XAB2: variants seen among roughly 807,000 people sequenced by gnomAD.
XAB2 encodes XPA binding protein 2.
In XAB2, 57 loss-of-function variants were observed where a neutral mutation model predicts 113.4. The observed-to-expected ratio is 0.50, with a 90% CI of 0.41 to 0.63. The LOEUF (loss-of-function observed/expected upper bound fraction) is 0.63. Among genes scored for constraint, XAB2 ranks in the 20% least tolerant of loss-of-function variants. The pLI is 0.00. For synonymous variants in XAB2, 497 were observed against 498.8 expected, an observed-to-expected ratio of 1.00 and a Z score of 0.05; for missense variants, 1,037 against 1,233.3, an observed-to-expected ratio of 0.84 and a Z score of 2.38.
At position 7,620,077 on chromosome 19, in the gene XAB2, T is replaced by C; in HGVS notation, c.2267-2A>G. ...TCTGCCCAGGGGCCAGGTCAGACAC[T>C]AGGGGGTGGGAGCAGGGGGTCAGCG... On this transcript the variant is annotated splice_acceptor_variant, in intron 16 of 18. Coordinates refer to ENST00000358368, the MANE Select transcript of XAB2 (RefSeq NM_020196.3). LOFTEE classifies it high-confidence loss of function. The C allele has an allele frequency of 6.2e-7, 1 of 1,611,116 alleles. No homozygotes were observed. The highest frequency in any genetic ancestry group is 1.1e-5 in the South Asian group (1 of 91,064).
chr19:7,629,097 C>T (rs985126026), intron 1 of XAB2, among the ~76,000 whole-genome samples: 1 of 152,222 alleles, frequency 6.6e-6, no homozygotes, highest in African/African-American at 2.4e-5. Context: ...GAAAACCAAG[C>T]CTTCATCCCA....
At position 7,627,266 on chromosome 19, in the gene XAB2, G is replaced by A. The variant is rs1295064916; in HGVS notation, c.499C>T (p.Arg167Ter). 3.1e-6 allele frequency: 5 copies of A among 1,613,164 alleles called. No homozygotes were observed. Among genetic ancestry groups the A allele is most frequent in the East Asian group, 2.2e-5 (1 of 44,904 alleles). Reference sequence around the variant, plus strand: ...ACCTTGAGGAAGCGCCGATAGCCTCGCACAGCTGTCTCAGGCAGTGGGTGT... The same window carrying A: ...ACCTTGAGGAAGCGCCGATAGCCTCACACAGCTGTCTCAGGCAGTGGGTGT... ...RSHPLPETAV[R>*]GYRRFLKLSP... Residue 167 changes from arginine to a stop codon, truncating the protein, a stop_gained, in exon 4 of 19, where the codon CGA becomes TGA. Coordinates refer to ENST00000358368, the MANE Select transcript of XAB2 (RefSeq NM_020196.3). LOFTEE classifies it high-confidence loss of function. The surrounding 1 kb of genome is among the most constrained non-coding windows in gnomAD (Gnocchi z 4.5).
chr19:7,621,183 C>T lies in XAB2; in HGVS notation c.1732G>A (p.Asp578Asn), dbSNP rs2031025596. ...CCGTCCAGAGCCTGTTCAAACAGGT[C>T]CCGTGCCCGCTCCAGCTTGCGGCCC... ...YGGRKLERARDLFEQALDGCP... is the reference protein window; with the variant it reads ...YGGRKLERARNLFEQALDGCP... The change falls in exon 13 of 19, where the codon GAC (aspartate) becomes AAC (asparagine). Residue 578 changes from aspartate (D) to asparagine (N), a missense_variant. Asp to Asn is a conservative substitution (Grantham distance 23). Transcript: ENST00000358368. 6.2e-7 allele frequency: 1 copy of T among 1,610,592 alleles called. No homozygotes were observed. The highest frequency in any genetic ancestry group is 1.3e-5 in the African/African-American group (1 of 74,492).
At chr19:7,622,220 C>T (rs1057180983) in intron 12 of XAB2, 111 bp downstream of exon 12, 1 of 1,029,852 alleles carries the variant, frequency 9.7e-7, no homozygotes, top group South Asian at 1.4e-5. Flanking sequence ...GTTTAAGTCA[C>T]CCAGTCTGTA....
rs1046552342 is a variant in XAB2, at chr19:7,625,380, C to T, written c.822+500G>A. ...ACCCTGAACGCAAATGTGGCTGACT[C>T]CAAGGCTGACGTGCCTGCGGGCAGG... On this transcript the variant is annotated intron_variant, in intron 6 of 18. Coordinates refer to ENST00000358368, the MANE Select transcript of XAB2 (RefSeq NM_020196.3). This position sits in a 1 kb window ranked among gnomAD's most constrained non-coding sequence, Gnocchi z 5.2. 3.3e-5 allele frequency among the ~76,000 whole-genome samples: 5 copies of T among 152,154 alleles called. No homozygotes were observed. The highest frequency in any genetic ancestry group is 5.9e-5 in the Non-Finnish European group (4 of 68,026).
Position 7,622,405 on chromosome 19 carries a change from T to C in XAB2, c.1543A>G (p.Ile515Val), listed in dbSNP as rs542881981. 7.2e-5 allele frequency: 117 copies of C among 1,614,062 alleles called. 1 individual carries two copies. The highest frequency in any genetic ancestry group is 7.1e-4 in the South Asian group (65 of 91,092). ...AVYDRILDLR[I>V]ATPQIVINYA... Reference sequence around the variant, plus strand: ...TTGATGACGATCTGGGGTGTTGCGATACGCAGGTCCAGGATGCGGTCGTAC... The same window carrying C: ...TTGATGACGATCTGGGGTGTTGCGACACGCAGGTCCAGGATGCGGTCGTAC... Residue 515 changes from isoleucine to valine, a missense_variant, in exon 12 of 19, where the codon ATC becomes GTC. Transcript: ENST00000358368.
intron 12 of XAB2, chr19:7,621,745 G>A: frequency 5.3e-6 from 1 of 188,416 alleles, no homozygotes; most frequent in Non-Finnish European, 1.1e-5. Context: ...CGCGGGACAT[G>A]GCCTTCCCAC....
At position 7,627,288 on chromosome 19, in the gene XAB2, G is replaced by C. The variant is rs1206316376; in HGVS notation, c.477C>G (p.His159Gln). The C allele has an allele frequency of 6.2e-7, 1 of 1,613,726 alleles. No individual in the cohort carries two copies. The highest frequency in any genetic ancestry group is 1.1e-5 in the South Asian group (1 of 91,090). Residue 159 changes from histidine (H) to glutamine (Q), a missense_variant, in exon 4 of 19, where the codon CAC becomes CAG. By Grantham distance (24) the His-to-Gln change is conservative. Transcript: ENST00000358368. This position sits in a 1 kb window ranked among gnomAD's most constrained non-coding sequence, Gnocchi z 4.5. ...WPLYLRFLRS[H>Q]PLPETAVRGY... The stretch of plus-strand genomic sequence containing the variant: ...CTCGCACAGCTGTCTCAGGCAGTGG[G>C]TGTGAGCGCAGGAAGCGCAGATACA...
intron 12 of XAB2, chr19:7,621,963 C>T (rs1568453540): frequency 1.3e-5 from 3 of 227,928 alleles, no homozygotes; most frequent in African/African-American, 4.6e-5. Context: ...AAAGTAGATT[C>T]GTTTGAAGAT....
Position 7,623,010 on chromosome 19 carries a change from AC to A in XAB2, c.1240-118del. On this transcript the variant is annotated intron_variant, in intron 9 of 18. Coordinates refer to ENST00000358368, the MANE Select transcript of XAB2 (RefSeq NM_020196.3). The surrounding 1 kb of genome is among the most constrained non-coding windows in gnomAD (Gnocchi z 4.6). ...TACAGGCACAAACACACAGGCACAC[AC>A]ACAGGCACACACATGCGTGCACATA... The A allele has an allele frequency of 6.5e-7, 1 of 1,540,956 alleles. No individual in the cohort carries two copies. Among genetic ancestry groups the A allele is most frequent in the Non-Finnish European group, 8.7e-7 (1 of 1,144,302 alleles).
rs1343349291 is a variant in XAB2, at chr19:7,624,539, G to T, written c.823-94C>A. 3.2e-5 allele frequency: 51 copies of T among 1,575,592 alleles called. No individual in the cohort carries two copies. Among genetic ancestry groups the T allele is most frequent in the Non-Finnish European group, 4.3e-5 (50 of 1,161,350 alleles). ...ACCAGCCTCAATGTGGAACCCCTGG[G>T]GGCCTTCTGGGTAGTGACGCATCCA... On this transcript the variant is annotated intron_variant, in intron 6 of 18. Coordinates refer to ENST00000358368, the MANE Select transcript of XAB2 (RefSeq NM_020196.3). This position sits in a 1 kb window ranked among gnomAD's most constrained non-coding sequence, Gnocchi z 4.2.
chr19:7,627,660 T>TC lies in XAB2; in HGVS notation c.324+67dup. 3.4e-5 allele frequency: 53 copies of TC among 1,572,204 alleles called. No individual in the cohort carries two copies. Among genetic ancestry groups the TC allele is most frequent in the Non-Finnish European group, 4.4e-5 (50 of 1,147,930 alleles). On this transcript the variant is annotated intron_variant, in intron 3 of 18. Transcript: ENST00000358368. The surrounding 1 kb of genome is among the most constrained non-coding windows in gnomAD (Gnocchi z 4.5). ...CCTAACATGCTGAGCCCAGCCCCTG[T>TC]CCCCGCCCCACCCACCACCATGGAC...
In XAB2 at chr19:7,624,063, C is replaced by A. The variant is rs1479695073; in HGVS notation, c.968-181G>T. On this transcript the variant is annotated intron_variant, in intron 7 of 18. Coordinates refer to ENST00000358368, the MANE Select transcript of XAB2 (RefSeq NM_020196.3). The surrounding 1 kb of genome is among the most constrained non-coding windows in gnomAD (Gnocchi z 4.2). ...CCAGCCCCAGGTACTGTGGATACCC[C>A]CTCCTACCCCCACTGTTCCCCTAGC... 6.6e-6 allele frequency among the ~76,000 whole-genome samples: 1 copy of A among 151,214 alleles called. No homozygotes were observed. The highest frequency in any genetic ancestry group is 2.4e-5 in the African/African-American group (1 of 41,048).
Position 7,621,050 on chromosome 19 carries a change from G to A in XAB2, c.1781-14C>T. On this transcript the variant is annotated splice_polypyrimidine_tract_variant and intron_variant, in intron 13 of 18. Transcript: ENST00000358368. The stretch of plus-strand genomic sequence containing the variant: ...GCAGGTACAAGGCTGGGCGGGGTAG[G>A]CGGGGAGAGGGGAGCACGGTCAGCC... 6.5e-7 allele frequency: 1 copy of A among 1,543,808 alleles called. No homozygotes were observed. The highest frequency in any genetic ancestry group is 1.2e-5 in the South Asian group (1 of 83,256).
intron 4 of XAB2, 137 bp from the exon 5 acceptor site, chr19:7,626,407 T>C: frequency 7.8e-7 from 1 of 1,275,996 alleles, no homozygotes; most frequent in Non-Finnish European, 1.1e-6. Context: ...CAAACCAGCC[T>C]CAGCCCCACT....
chr19:7,623,945 C>T lies in XAB2; in HGVS notation c.968-63G>A, dbSNP rs868176998. On this transcript the variant is annotated intron_variant, in intron 7 of 18. Transcript: ENST00000358368. This position sits in a 1 kb window ranked among gnomAD's most constrained non-coding sequence, Gnocchi z 4.6. ...CAGGATGCAGGTCCCCGGATGCCAC[C>T]GCCTCCACTCCCCACCCTCACTCCG... The T allele has an allele frequency of 3.7e-5, 54 of 1,474,746 alleles. 1 individual carries two copies. Among genetic ancestry groups the T allele is most frequent in the South Asian group, 2.5e-4 (19 of 75,228 alleles). The allele number at this position is 1,474,746 out of a possible 1,614,324, so 91.4% of individuals were successfully genotyped here.
In XAB2 at chr19:7,620,871, C is replaced by T. The variant is rs375585367; in HGVS notation, c.1946G>A (p.Arg649His). The change falls in exon 14 of 19, where the codon CGC (arginine) becomes CAC (histidine). Residue 649 changes from arginine (R) to histidine (H), a missense_variant. Physicochemically the swap from Arg to His is conservative, Grantham distance 29. Coordinates refer to ENST00000358368, the MANE Select transcript of XAB2 (RefSeq NM_020196.3). ...AAEIYGVTHT[R>H]GIYQKAIEVL... ...CTCAATGGCCTTCTGGTAGATGCCG[C>T]GGGTGTGGGTGACCCCATAGATCTC... is the stretch of plus-strand genomic sequence containing the variant. 11 of 1,592,266 alleles carry T rather than the reference C, an allele frequency of 6.9e-6. No homozygotes were observed. Among genetic ancestry groups the T allele is most frequent in the African/African-American group, 1.3e-5 (1 of 74,856 alleles).
Position 7,624,490 on chromosome 19 carries a change from G to A in XAB2, c.823-45C>T, listed in dbSNP as rs777056409. 3 of 1,611,916 alleles carry A rather than the reference G, an allele frequency of 1.9e-6. No individual in the cohort carries two copies. Among genetic ancestry groups the A allele is most frequent in the Admixed American group, 3.3e-5 (2 of 59,986 alleles). Reference sequence around the variant, plus strand: ...GGGAGGTGAGAGGAAAGTGGCGCAGGGGACAGGCAGCAGCACTCTTAGCAC... The same window carrying A: ...GGGAGGTGAGAGGAAAGTGGCGCAGAGGACAGGCAGCAGCACTCTTAGCAC... On this transcript the variant is annotated intron_variant, in intron 6 of 18. Transcript: ENST00000358368. The surrounding 1 kb of genome is among the most constrained non-coding windows in gnomAD (Gnocchi z 4.2).
rs1006150405 is a variant in XAB2, at chr19:7,620,397, C to T, written c.2144G>A (p.Gly715Asp). 1.2e-5 allele frequency: 20 copies of T among 1,611,812 alleles called. No individual in the cohort carries two copies. The highest frequency in any genetic ancestry group is 1.7e-5 in the Non-Finnish European group (20 of 1,179,820). The part of the protein sequence containing the change: ...QTWKDFEVRH[G>D]NEDTIKEMLR... ...CATTTCCTTGATGGTGTCCTCATTG[C>T]CATGCCGGACCTCAAAGTCCTTCCA... The change falls in exon 16 of 19, where the codon GGC becomes GAC. Residue 715 changes from glycine (G) to aspartate (D), a missense_variant. Gly to Asp is a moderately conservative substitution (Grantham distance 94). Coordinates refer to ENST00000358368, the MANE Select transcript of XAB2 (RefSeq NM_020196.3).
Sources: allele counts gnomAD v4.1 joint callset (sites outside exome capture counted in the v4.1 genomes callset), GRCh38; gene constraint gnomAD v4.1.1; non-coding constraint Gnocchi (gnomAD v3.1); transcripts MANE v1.5; gene names NCBI Gene and HGNC (gene_info 2026-07-23, HGNC 2026-07-21).